GNAO1: variants seen among roughly 807,000 people sequenced by gnomAD.
GNAO1 encodes guanine nucleotide-binding protein G(o) subunit alpha.
For missense variants in GNAO1, 166 were observed against 478.7 expected (o/e 0.35, Z 6.10); for synonymous variants, 164 against 180.7 (o/e 0.91, Z 0.74).
chr16:56,262,579 G>A (rs2036913713), intron 2 of GNAO1, among the ~76,000 whole-genome samples: 1 of 152,056 alleles, frequency 6.6e-6, no homozygotes, highest in Non-Finnish European at 1.5e-5. Flanking sequence ...AACAAGATGA[G>A]CAAAGCTCTG....
chr16:56,330,743 C>T (rs1299611899), intron 4 of GNAO1, among the ~76,000 whole-genome samples: 3 of 152,198 alleles, frequency 2.0e-5, no homozygotes, highest in Admixed American at 6.5e-5. Flanking sequence ...TTAGTTCTTC[C>T]GGTGCTTACC....
At chr16:56,262,559 C>T (rs1236108740) in intron 2 of GNAO1, among the ~76,000 whole-genome samples, 1 of 151,464 alleles carries the variant, frequency 6.6e-6, no homozygotes, top group Non-Finnish European at 1.5e-5. Flanking sequence ...TTTTTTTTCC[C>T]CAAAGACTGA....
chr16:56,328,260 T>G (rs1282628339), intron 3 of GNAO1, among the ~76,000 whole-genome samples: 4 of 152,222 alleles, frequency 2.6e-5, no homozygotes, highest in Non-Finnish European at 4.4e-5. Flanking sequence ...AAAGCAGAGC[T>G]GCTGGTTGAG....
intron 2 of GNAO1, among the ~76,000 whole-genome samples, chr16:56,225,504 G>T (rs1471783998): frequency 6.6e-6 from 1 of 152,164 alleles, no homozygotes; most frequent in Non-Finnish European, 1.5e-5. Context: ...AATTGTTTGG[G>T]CTCTAGCTAG....
At position 56,311,185 on chromosome 16, in the gene GNAO1, G is replaced by C. The variant is rs550811349; in HGVS notation, c.304-17446G>C. 2.5e-4 allele frequency among the ~76,000 whole-genome samples: 38 copies of C among 150,694 alleles called. No individual in the cohort carries two copies. The highest frequency in any genetic ancestry group is 1.5e-3 in the Admixed American group (23 of 15,146). On this transcript the variant is annotated intron_variant, in intron 3 of 8. Transcript: ENST00000262493. This position sits in a 1 kb window ranked among gnomAD's most constrained non-coding sequence, Gnocchi z 5.2. ...GGGTGTGGGGCTTGGGGGTGGAGAT[G>C]GGGGAGAGAGGCATGGAAGGGGGTA...
In GNAO1 at chr16:56,355,073, A is replaced by G; in HGVS notation, c.*20A>G. On this transcript the variant is annotated 3_prime_UTR_variant, in exon 8 of 9. Coordinates refer to ENST00000262493, the MANE Select transcript of GNAO1 (RefSeq NM_020988.3). Reference sequence around the variant, plus strand: ...TACTGACCTCTTGTCCTGTATAGCAACCTATTTGGTAATGATTCCAGCACC... The same window carrying G: ...TACTGACCTCTTGTCCTGTATAGCAGCCTATTTGGTAATGATTCCAGCACC... The G allele has an allele frequency of 6.4e-7, 1 of 1,562,474 alleles. No individual in the cohort carries two copies.
chr16:56,321,483 G>T (rs528749392), intron 3 of GNAO1, among the ~76,000 whole-genome samples: 1 of 152,330 alleles, frequency 6.6e-6, no homozygotes, highest in East Asian at 1.9e-4. Flanking sequence ...ACTAGAGACT[G>T]ATTGTTAGTC....
chr16:56,218,854 A>G (rs1275068772), intron 2 of GNAO1, among the ~76,000 whole-genome samples: 1 of 152,208 alleles, frequency 6.6e-6, no homozygotes, highest in Admixed American at 6.5e-5. Flanking sequence ...ACCTCACGGA[A>G]GCCTTCTTTG....
At chr16:56,296,330 C>T in intron 3 of GNAO1, among the ~76,000 whole-genome samples, 1 of 152,090 alleles carries the variant, frequency 6.6e-6, no homozygotes, top group East Asian at 1.9e-4. Flanking sequence ...AGATGTAAAT[C>T]CCCCAAAGAC....
Position 56,351,635 on chromosome 16 carries a change from T to G in GNAO1, c.877+98T>G, listed in dbSNP as rs2037922188. 1 of 949,974 alleles carries G rather than the reference T, an allele frequency of 1.1e-6. No homozygotes were observed. Among genetic ancestry groups the G allele is most frequent in the Non-Finnish European group, 1.6e-6 (1 of 619,328 alleles). The allele number at this position is 949,974 out of a possible 1,614,324, so 58.8% of individuals were successfully genotyped here. A position where few individuals can be genotyped will look rare whatever the true frequency, so the allele number is the denominator to read the frequency against. Reference sequence around the variant, plus strand: ...CTCGGCCAGCACTGCTGGGGCTAGCTGGCGAGCGGGACCCATTGCAGGAGA... The same window carrying G: ...CTCGGCCAGCACTGCTGGGGCTAGCGGGCGAGCGGGACCCATTGCAGGAGA... On this transcript the variant is annotated intron_variant, in intron 7 of 8. Coordinates refer to ENST00000262493, the MANE Select transcript of GNAO1 (RefSeq NM_020988.3). The surrounding 1 kb of genome is among the most constrained non-coding windows in gnomAD (Gnocchi z 6.1).
At chr16:56,322,223 C>T (rs1341044783) in intron 3 of GNAO1, among the ~76,000 whole-genome samples, 1 of 152,188 alleles carries the variant, frequency 6.6e-6, no homozygotes, top group African/African-American at 2.4e-5. Context: ...CTTAGGGGGA[C>T]ATAAACAATC....
At chr16:56,304,150 C>T (rs575379554) in intron 3 of GNAO1, among the ~76,000 whole-genome samples, 1 of 152,334 alleles carries the variant, frequency 6.6e-6, no homozygotes, top group African/African-American at 2.4e-5. Flanking sequence ...AAACACAGAA[C>T]ACAGAGGCTG....
chr16:56,341,944 G>A (rs780544808), intron 6 of GNAO1, among the ~76,000 whole-genome samples: 6 of 152,236 alleles, frequency 3.9e-5, no homozygotes, highest in Non-Finnish European at 7.4e-5. Context: ...GTCCCAGTGG[G>A]GCATCCCGGG....
At chr16:56,275,856 C>G in intron 2 of GNAO1, 75 bp from the exon 3 acceptor site, 1 of 1,305,188 alleles carries the variant, frequency 7.7e-7, no homozygotes, top group Non-Finnish European at 1.0e-6. Flanking sequence ...TCAGCCAGTG[C>G]GTCTCATGCC....
At chr16:56,331,127 G>A (rs2037684652) in intron 4 of GNAO1, among the ~76,000 whole-genome samples, 1 of 152,172 alleles carries the variant, frequency 6.6e-6, no homozygotes, top group Non-Finnish European at 1.5e-5. Flanking sequence ...GCTTCCAGGG[G>A]GTGCCATTGA....
intron 3 of GNAO1, among the ~76,000 whole-genome samples, chr16:56,316,692 C>T (rs1039099704): frequency 1.3e-5 from 2 of 152,216 alleles, no homozygotes; most frequent in East Asian, 3.9e-4. Flanking sequence ...GGCCTCCCCA[C>T]TCCCCAGCTG....
chr16:56,217,062 G>A (rs1291745155), intron 2 of GNAO1, among the ~76,000 whole-genome samples: 2 of 152,190 alleles, frequency 1.3e-5, no homozygotes, highest in Admixed American at 6.5e-5. Context: ...GGCAGAAACA[G>A]ACAAAAACTG....
chr16:56,277,209 G>T (rs1048206487), intron 3 of GNAO1, among the ~76,000 whole-genome samples: 8 of 152,366 alleles, frequency 5.3e-5, no homozygotes, highest in Middle Eastern at 3.4e-3. Flanking sequence ...CGGTGGAGAA[G>T]CTGGGCACTA....
At chr16:56,213,327 C>G in intron 2 of GNAO1, 1 of 398,432 alleles carries the variant, frequency 2.5e-6, no homozygotes, top group Non-Finnish European at 4.4e-6. Flanking sequence ...TGTAACTGAG[C>G]AAGACACACA....
Sources: gnomAD v4.1 joint callset for allele counts (sites outside exome capture counted in the v4.1 genomes callset) on GRCh38, gnomAD v4.1.1 for gene constraint, Gnocchi (gnomAD v3.1) non-coding constraint, MANE v1.5 for transcripts, NCBI Gene and HGNC (gene_info 2026-07-23, HGNC 2026-07-21) for gene names.